Variants in SLC30A8 observed in about 807,000 individuals in gnomAD.
SLC30A8 encodes solute carrier family 30 member 8.
In SLC30A8, 27 loss-of-function variants were observed where a neutral mutation model predicts 36.9. The ratio of observed to expected loss-of-function variants is 0.73; its 90% CI spans 0.54 to 1.01. The LOEUF is 1.01. Ranked by LOEUF, SLC30A8 falls within the 50% of genes least tolerant of loss-of-function variation. The probability of loss-of-function intolerance (pLI) is 0.00; values close to 1 mark genes in which losing one functional copy is unlikely to be tolerated. For missense variants in SLC30A8, 439 were observed against 452.0 expected, an observed-to-expected ratio of 0.97 and a Z score of 0.26; for synonymous variants, 164 against 172.4, an observed-to-expected ratio of 0.95 and a Z score of 0.38.
chr8:117,024,810 C>G (rs114708351), intron 1 of SLC30A8, among the ~76,000 whole-genome samples: 1 of 151,642 alleles, frequency 6.6e-6, no homozygotes, highest in African/African-American at 2.4e-5. Flanking sequence ...TAATTTTTTT[C>G]CAAGTTTTAT....
chr8:117,008,112 C>T (rs1429273037), intron 1 of SLC30A8, among the ~76,000 whole-genome samples: 4 of 152,172 alleles, frequency 2.6e-5, no homozygotes, highest in Admixed American at 2.6e-4. Context: ...ACATAGTAAA[C>T]TATTTGAGCT....
At chr8:116,967,383 G>A (rs1307544295) in intron 1 of SLC30A8, among the ~76,000 whole-genome samples, 1 of 152,128 alleles carries the variant, frequency 6.6e-6, no homozygotes, top group Non-Finnish European at 1.5e-5. Flanking sequence ...ATTTGAGCTA[G>A]TGTCTATCTG....
At chr8:117,060,772 A>T (rs554571986) in intron 2 of SLC30A8, among the ~76,000 whole-genome samples, 18 of 152,290 alleles carry the variant, frequency 1.2e-4, no homozygotes, top group African/African-American at 4.1e-4. Context: ...TCTAAAGGAA[A>T]ATATTCTCTT....
chr8:117,072,620 T>C (rs1231945757), intron 2 of SLC30A8, among the ~76,000 whole-genome samples: 1 of 152,196 alleles, frequency 6.6e-6, no homozygotes, highest in Non-Finnish European at 1.5e-5. Flanking sequence ...TACTTTTTTC[T>C]CCACAGTATT....
chr8:117,121,302 A>G (rs1268981335), intron 2 of SLC30A8, among the ~76,000 whole-genome samples: 2 of 151,988 alleles, frequency 1.3e-5, no homozygotes, highest in Non-Finnish European at 2.9e-5. Flanking sequence ...ATGGAATATT[A>G]TTCAATCTTA....
intron 7 of SLC30A8, 91 bp from the exon 8 acceptor site, chr8:117,172,445 G>C (rs1256659899): frequency 1.3e-6 from 2 of 1,569,880 alleles, no homozygotes; most frequent in Non-Finnish European, 1.7e-6. Flanking sequence ...CACCCCAGCA[G>C]GTCAAAGACA....
intron 6 of SLC30A8, among the ~76,000 whole-genome samples, chr8:117,167,520 TATGTG>T (rs1323575350): frequency 6.7e-6 from 1 of 149,566 alleles, no homozygotes; most frequent in Non-Finnish European, 1.5e-5. Flanking sequence ...TGTATATGTG[TATGTG>T]ATGTAAGTGT....
chr8:117,048,489 G>A (rs1817617573), intron 2 of SLC30A8, among the ~76,000 whole-genome samples: 1 of 152,098 alleles, frequency 6.6e-6, no homozygotes, highest in Non-Finnish European at 1.5e-5. Flanking sequence ...GTTCAAAAAT[G>A]CATCTTTATG....
intron 1 of SLC30A8, among the ~76,000 whole-genome samples, chr8:116,981,097 G>A (rs763211058): frequency 1.3e-5 from 2 of 152,174 alleles, no homozygotes; most frequent in Admixed American, 6.5e-5. Context: ...TGGTACTGGA[G>A]GTGTTAAATG....
chr8:117,121,882 GTTAAGCA>G (rs549553120), intron 2 of SLC30A8, among the ~76,000 whole-genome samples: 8 of 151,878 alleles, frequency 5.3e-5, no homozygotes, highest in Non-Finnish European at 1.2e-4. Flanking sequence ...TGAAGTTTCA[GTTAAGCA>G]ACATGGAAAA....
At chr8:117,053,336 A>T (rs1188512638) in intron 2 of SLC30A8, among the ~76,000 whole-genome samples, 1 of 152,132 alleles carries the variant, frequency 6.6e-6, no homozygotes, top group Admixed American at 6.5e-5. Flanking sequence ...GTTTCCACCC[A>T]TTCTCAGATC....
Position 117,122,735 on chromosome 8 carries a change from A to T in SLC30A8, c.-225-12545A>T, listed in dbSNP as rs553843271. 1.9e-3 allele frequency among the ~76,000 whole-genome samples: 287 copies of T among 152,042 alleles called. 2 individuals carry two copies. Among genetic ancestry groups the T allele is most frequent in the Non-Finnish European group, 2.5e-3 (168 of 67,918 alleles). On this transcript the variant is annotated intron_variant, in intron 2 of 10. Coordinates refer to the SLC30A8 transcript ENST00000427715. Reference sequence around the variant, plus strand: ...GGGTGTTTTAGTGAAGACCTCCCTTATTGAAGTCTAAGTCTCTTTTCTGGC... The same window carrying T: ...GGGTGTTTTAGTGAAGACCTCCCTTTTTGAAGTCTAAGTCTCTTTTCTGGC...
At position 117,157,671 on chromosome 8, in the gene SLC30A8, GT is replaced by G; in HGVS notation, c.419-19del. On this transcript the variant is annotated intron_variant, in intron 3 of 7. Coordinates refer to ENST00000456015, the MANE Select transcript of SLC30A8 (RefSeq NM_173851.3). ...TGGAGTTATCTGTGTGTGGGTTTCT[GT>G]GTGTGTTTGAATTCCTAGAGATCCT... 1 of 1,613,714 alleles carries G rather than the reference GT, an allele frequency of 6.2e-7. No individual in the cohort carries two copies. The highest frequency in any genetic ancestry group is 8.5e-7 in the Non-Finnish European group (1 of 1,179,750).
intron 1 of SLC30A8, among the ~76,000 whole-genome samples, chr8:116,994,807 T>G (rs1021876628): frequency 6.6e-6 from 1 of 152,112 alleles, no homozygotes; most frequent in Admixed American, 6.6e-5. Flanking sequence ...CCTCAAAATT[T>G]TAACATGTAT....
intron 1 of SLC30A8, among the ~76,000 whole-genome samples, chr8:116,971,193 G>T (rs887088096): frequency 2.2e-4 from 34 of 152,118 alleles, no homozygotes; most frequent in Non-Finnish European, 2.2e-4. Flanking sequence ...GTTGATAGGT[G>T]CAGCAAACCA....
chr8:116,967,207 G>A (rs148070848), intron 1 of SLC30A8, among the ~76,000 whole-genome samples: 39 of 152,136 alleles, frequency 2.6e-4, no homozygotes, highest in African/African-American at 7.0e-4. Flanking sequence ...TGTCTTAAAC[G>A]GTAGCCTAAA....
chr8:116,982,786 AG>A (rs1815317620), intron 1 of SLC30A8, among the ~76,000 whole-genome samples: 1 of 152,122 alleles, frequency 6.6e-6, no homozygotes, highest in Non-Finnish European at 1.5e-5. Flanking sequence ...TCCTAGGTAA[AG>A]GGGCACATAT....
At chr8:117,106,618 AACTTG>A (rs1820007068) in intron 2 of SLC30A8, among the ~76,000 whole-genome samples, 1 of 152,156 alleles carries the variant, frequency 6.6e-6, no homozygotes, top group Admixed American at 6.6e-5. Context: ...CAGGACCCAG[AACTTG>A]GATTGGCTGC....
intron 1 of SLC30A8, among the ~76,000 whole-genome samples, chr8:117,026,341 T>C (rs1816870179): frequency 6.6e-6 from 1 of 152,208 alleles, no homozygotes; most frequent in South Asian, 2.1e-4. Context: ...AACTTCCATT[T>C]GTTTTTTCTT....
Sources: gnomAD v4.1 joint callset for allele counts (sites outside exome capture counted in the v4.1 genomes callset) on GRCh38, gnomAD v4.1.1 for gene constraint, MANE v1.5 for transcripts, NCBI Gene and HGNC (gene_info 2026-07-23, HGNC 2026-07-21) for gene names.